The following CWH43 variants were observed in gnomAD, a reference collection of about 807,000 sequenced individuals.
CWH43 encodes cell wall biogenesis 43 C-terminal homolog.
CWH43 carries 91 observed loss-of-function variants against 85.7 expected under a neutral mutation model. The observed-to-expected ratio is 1.06, with a 90% confidence interval of 0.90 to 1.26. The LOEUF (loss-of-function observed/expected upper bound fraction) is 1.26, where lower values mean the gene tolerates loss of function less well. Among genes scored for constraint, CWH43 ranks in the 50% most tolerant of loss-of-function variants. CWH43 has a pLI of 0.00. For synonymous variants in CWH43, 323 were observed against 293.6 expected (o/e 1.10, Z -1.02); for missense variants, 869 against 839.2 (o/e 1.04, Z -0.44).
At chr4:49,005,478 G>C (rs781620606) in intron 7 of CWH43, among the ~76,000 whole-genome samples, 1 of 151,914 alleles carries the variant, frequency 6.6e-6, no homozygotes, top group Non-Finnish European at 1.5e-5. Flanking sequence ...TATATAAAAC[G>C]AGACAAATAC....
chr4:49,033,984 C>G (rs1784184834), intron 12 of CWH43, among the ~76,000 whole-genome samples: 2 of 152,130 alleles, frequency 1.3e-5, no homozygotes, highest in Admixed American at 1.3e-4. Flanking sequence ...CTGTTTCTAA[C>G]ACTATTATGT....
At chr4:49,033,102 G>A (rs1784152997) in intron 12 of CWH43, among the ~76,000 whole-genome samples, 1 of 152,164 alleles carries the variant, frequency 6.6e-6, no homozygotes, top group African/African-American at 2.4e-5. Context: ...CACAGCCAGG[G>A]CATAGGCAGT....
chr4:49,043,985 G>A (rs975105780), intron 13 of CWH43, among the ~76,000 whole-genome samples: 1 of 152,020 alleles, frequency 6.6e-6, no homozygotes, highest in African/African-American at 2.4e-5. Context: ...AAATTGTGAT[G>A]TATTCTTTTA....
intron 15 of CWH43, among the ~76,000 whole-genome samples, chr4:49,054,314 T>C (rs768155246): frequency 1.1e-4 from 17 of 152,308 alleles, no homozygotes; most frequent in Admixed American, 2.6e-4. Flanking sequence ...ATCAATTGAC[T>C]GTAAATGTGT....
chr4:49,052,582 C>G (rs1392604836), intron 15 of CWH43, among the ~76,000 whole-genome samples: 1 of 152,150 alleles, frequency 6.6e-6, no homozygotes, highest in Non-Finnish European at 1.5e-5. Flanking sequence ...AAAGGATTTT[C>G]TTGTGTCGTT....
chr4:49,043,346 A>G (rs554310712), intron 13 of CWH43, among the ~76,000 whole-genome samples: 4 of 152,302 alleles, frequency 2.6e-5, no homozygotes, highest in Admixed American at 2.6e-4. Flanking sequence ...TGGCAAGTCT[A>G]TGTAAAAATG....
intron 15 of CWH43, among the ~76,000 whole-genome samples, chr4:49,055,821 T>A (rs1366512113): frequency 6.6e-6 from 1 of 152,132 alleles, no homozygotes; most frequent in African/African-American, 2.4e-5. Flanking sequence ...GGTCTTGAAC[T>A]CCTGACCTCA....
At chr4:49,009,857 G>A (rs1202905740) in intron 8 of CWH43, among the ~76,000 whole-genome samples, 1 of 152,114 alleles carries the variant, frequency 6.6e-6, no homozygotes, top group Non-Finnish European at 1.5e-5. Context: ...GCTTTTTGAT[G>A]TGCTGCTGGA....
At chr4:49,020,104 A>C (rs1783691857) in intron 9 of CWH43, among the ~76,000 whole-genome samples, 1 of 152,044 alleles carries the variant, frequency 6.6e-6, no homozygotes, top group South Asian at 2.1e-4. Flanking sequence ...TGGTGCAGTC[A>C]TCACCTGAGC....
chr4:48,999,377 A>G (rs895892792), intron 6 of CWH43, among the ~76,000 whole-genome samples: 1 of 152,220 alleles, frequency 6.6e-6, no homozygotes, highest in African/African-American at 2.4e-5. Context: ...TAGCACTGCA[A>G]TAAACATACG....
intron 8 of CWH43, 161 bp from the exon 9 acceptor site, chr4:49,017,088 C>G (rs753416739): frequency 6.2e-5 from 46 of 743,042 alleles, no homozygotes; most frequent in Non-Finnish European, 1.0e-4. Context: ...CAATGAGCTC[C>G]CCAAGACTCT....
intron 6 of CWH43, among the ~76,000 whole-genome samples, chr4:48,999,787 C>G (rs1008617633): frequency 1.3e-5 from 2 of 152,128 alleles, no homozygotes; most frequent in Non-Finnish European, 2.9e-5. Context: ...TTACATGTAA[C>G]AGGGGAGCTC....
rs1560482656 is a variant in CWH43 at position 48,988,672 on chromosome 4, AG to A, written c.235+5del. 9.6e-6 allele frequency: 15 copies of A among 1,562,538 alleles called. No homozygotes were observed. Among genetic ancestry groups the A allele is most frequent in the Non-Finnish European group, 1.3e-5 (15 of 1,155,382 alleles). On this transcript the variant is annotated splice_donor_5th_base_variant and intron_variant, in intron 2 of 15. Coordinates refer to ENST00000226432, the MANE Select transcript of CWH43 (RefSeq NM_025087.3). ...CTGCTGAGGATAATCACTATTGGTA[AG>A]ATTTAAAAGAGTTTCTTTAAGTTGT...
intron 1 of CWH43, among the ~76,000 whole-genome samples, chr4:48,988,074 T>C (rs1253613730): frequency 3.3e-5 from 5 of 152,018 alleles, no homozygotes; most frequent in African/African-American, 9.7e-5. Context: ...GCAAGGGATG[T>C]TGAGAGACTC....
intron 5 of CWH43, among the ~76,000 whole-genome samples, chr4:48,998,145 T>G (rs1368421664): frequency 6.6e-6 from 1 of 152,232 alleles, no homozygotes; most frequent in East Asian, 1.9e-4. Context: ...TGACCTTTGC[T>G]TTTTGTTCTT....
At chr4:49,018,286 C>G (rs953225116) in intron 9 of CWH43, among the ~76,000 whole-genome samples, 8 of 152,142 alleles carry the variant, frequency 5.3e-5, no homozygotes, top group East Asian at 1.9e-4. Context: ...GAGAATTCCA[C>G]CCCCATGATC....
At chr4:49,005,527 G>A (rs974691087) in intron 7 of CWH43, among the ~76,000 whole-genome samples, 2 of 151,358 alleles carry the variant, frequency 1.3e-5, no homozygotes, top group African/African-American at 4.8e-5. Flanking sequence ...CTCAGGAGAA[G>A]TGAAGGCTTC....
chr4:49,022,036 C>T (rs1783764536), intron 9 of CWH43, among the ~76,000 whole-genome samples: 1 of 151,936 alleles, frequency 6.6e-6, no homozygotes, highest in African/African-American at 2.4e-5. Context: ...AGTTTGATAC[C>T]CTTTATTTTT....
In CWH43 at chr4:48,986,897, A is replaced by G. The variant is rs949788555; in HGVS notation, c.43+425A>G. The G allele has an allele frequency of 2.3e-5, 18 of 790,340 alleles. No individual in the cohort carries two copies. In the South Asian group the frequency reaches 3.4e-4, roughly 15 times the overall value. The allele number at this position is 790,340 out of a possible 1,614,324, so 49.0% of individuals were successfully genotyped here. ...GGCACCCGTTTTCCCCAGGAGCTGT[A>G]GGTGGACACTGGGCGGCAGCTGCTG... On this transcript the variant is annotated intron_variant, in intron 1 of 15. Coordinates refer to ENST00000226432, the MANE Select transcript of CWH43 (RefSeq NM_025087.3).
Sources: allele counts gnomAD v4.1 joint callset (sites outside exome capture counted in the v4.1 genomes callset), GRCh38; gene constraint gnomAD v4.1.1; transcripts MANE v1.5; gene names NCBI Gene and HGNC (gene_info 2026-07-23, HGNC 2026-07-21).